RP1: variants seen among roughly 807,000 people sequenced by gnomAD.
RP1 encodes oxygen-regulated protein 1.
Under a neutral mutation model 14.8 loss-of-function variants are expected in RP1, and 16 were observed. The observed-to-expected ratio is 1.08, with a 90% CI of 0.73 to 1.65. The LOEUF (loss-of-function observed/expected upper bound fraction) is 1.65. Ranked by LOEUF, RP1 falls within the 40% of genes most tolerant of loss-of-function variation. RP1 has a pLI of 0.00. For synonymous variants in RP1, 876 were observed against 883.6 expected (o/e 0.99, Z 0.15); for missense variants, 2,631 against 2,535.0 (o/e 1.04, Z -0.81).
intron 1 of RP1, among the ~76,000 whole-genome samples, chr8:54,584,110 T>A (rs1334876546): frequency 6.6e-6 from 1 of 152,210 alleles, no homozygotes; most frequent in Admixed American, 6.5e-5. Flanking sequence ...CAATTTTAGA[T>A]CTTGTCTTCT....
chr8:54,847,325 C>T (rs978660895), intron 25 of RP1, among the ~76,000 whole-genome samples: 1 of 152,210 alleles, frequency 6.6e-6, no homozygotes, highest in Non-Finnish European at 1.5e-5. Flanking sequence ...AGACCTTACT[C>T]AGAACTGTCT....
intron 1 of RP1, among the ~76,000 whole-genome samples, chr8:54,569,193 A>T (rs1288280061): frequency 6.6e-6 from 1 of 152,196 alleles, no homozygotes; most frequent in African/African-American, 2.4e-5. Context: ...GGGAGCAGTC[A>T]TGGAGGGCCT....
intron 1 of RP1, among the ~76,000 whole-genome samples, chr8:54,588,419 CTGG>C (rs1804978940): frequency 6.6e-6 from 1 of 152,140 alleles, no homozygotes; most frequent in African/African-American, 2.4e-5. Flanking sequence ...CAAGGTCTGA[CTGG>C]TGCAGGAAGC....
intron 24 of RP1, among the ~76,000 whole-genome samples, chr8:54,788,216 A>G (rs1391204496): frequency 6.6e-6 from 1 of 152,142 alleles, no homozygotes; most frequent in East Asian, 1.9e-4. Context: ...AGGCTGGAGT[A>G]GGAGGAAGGA....
intron 15 of RP1, among the ~76,000 whole-genome samples, chr8:54,710,664 G>C (rs1563354805): frequency 6.6e-6 from 1 of 152,202 alleles, no homozygotes; most frequent in African/African-American, 2.4e-5. Context: ...TGTCAGCGGA[G>C]AGGGGAGCTG....
At chr8:54,755,813 C>G in intron 21 of RP1, 1 of 1,391,022 alleles carries the variant, frequency 7.2e-7, no homozygotes, top group East Asian at 2.7e-5. Context: ...AACAATCTCT[C>G]TGAAGATGGC....
intron 26 of RP1, among the ~76,000 whole-genome samples, chr8:54,853,370 G>C (rs1812100205): frequency 6.6e-6 from 1 of 152,182 alleles, no homozygotes; most frequent in Non-Finnish European, 1.5e-5. Flanking sequence ...GAGACGTAAA[G>C]AGGAAGACTC....
At chr8:54,726,418 A>G (rs969916450) in exon 17 of RP1, 1 of 1,534,398 alleles carries the variant, frequency 6.5e-7, no homozygotes, top group Non-Finnish European at 8.7e-7. Context: ...AGTCAAAAAA[A>G]CAGAAAAAAA....
chr8:54,602,394 C>G lies in RP1; in HGVS notation c.-12-18561C>G, dbSNP rs1379283440. Among the ~76,000 whole-genome samples, 13 of 152,306 alleles carry G rather than the reference C, an allele frequency of 8.5e-5. No individual in the cohort carries two copies. The East Asian group carries it at 2.5e-3, about 29-fold the overall frequency. Reference sequence around the variant, plus strand: ...TCCTTTTTTATGGCTGCATAGTATTCCAAGGTGTATATGTGCCACATTTTC... The same window carrying G: ...TCCTTTTTTATGGCTGCATAGTATTGCAAGGTGTATATGTGCCACATTTTC... On this transcript the variant is annotated intron_variant, in intron 1 of 22. Coordinates refer to the RP1 transcript ENST00000636932.
chr8:54,709,718 T>C (rs1029951032), intron 15 of RP1, among the ~76,000 whole-genome samples: 12 of 152,122 alleles, frequency 7.9e-5, no homozygotes, highest in African/African-American at 2.9e-4. Context: ...ACACCATAGC[T>C]AGGTTACATG....
At chr8:54,856,152 G>A (rs971521916) in intron 26 of RP1, among the ~76,000 whole-genome samples, 1 of 152,182 alleles carries the variant, frequency 6.6e-6, no homozygotes, top group Non-Finnish European at 1.5e-5. Context: ...TGAGCAAAAT[G>A]GCATGGATGA....
chr8:54,755,858 C>G, intron 21 of RP1: 1 of 1,223,388 alleles, frequency 8.2e-7, no homozygotes, highest in Non-Finnish European at 1.1e-6. Context: ...GCGTTTGGCA[C>G]TCTTCAAATT....
chr8:54,754,848 G>C lies in RP1; in HGVS notation c.2854G>C (p.Ala952Pro), dbSNP rs569102494. ...AAGCAAGAAGATCCTAGATTTTGCA[G>C]CAAACGTATGGCTGTCTCGGATTCA... Residue 952 changes from alanine (A) to proline (P), a missense_variant, in exon 20 of 23, where the codon GCA becomes CCA. Ala to Pro is a conservative substitution (Grantham distance 27). Coordinates refer to the RP1 transcript ENST00000636932. 3.3e-6 allele frequency: 5 copies of C among 1,527,826 alleles called. No homozygotes were observed. In the Admixed American group the frequency reaches 1.0e-4, roughly 30 times the overall value. The allele number at this position is 1,527,826 out of a possible 1,614,324, so 94.6% of individuals were successfully genotyped here. A position where few individuals can be genotyped will look rare whatever the true frequency, so the allele number is the denominator to read the frequency against.
Position 54,625,661 on chromosome 8 carries a change from G to C in RP1, c.1779G>C (p.Lys593Asn). The change falls in exon 4 of 4, where the codon AAG (lysine) becomes AAC (asparagine). Residue 593 changes from lysine to asparagine, a missense_variant. Coordinates refer to ENST00000220676, the MANE Select transcript of RP1 (RefSeq NM_006269.2). ...TATTGGACAACAAAACTGGTATCAA[G>C]AACTTCAAAACTTATGGTAACACCA... The part of the protein sequence containing the change: ...CVVLDNKTGI[K>N]NFKTYGNTND... 1 of 1,614,100 alleles carries C rather than the reference G, an allele frequency of 6.2e-7. No homozygotes were observed. Among genetic ancestry groups the C allele is most frequent in the Non-Finnish European group, 8.5e-7 (1 of 1,179,996 alleles).
intron 27 of RP1, among the ~76,000 whole-genome samples, chr8:54,858,539 T>C (rs901673448): frequency 1.3e-5 from 2 of 152,176 alleles, no homozygotes; most frequent in African/African-American, 4.8e-5. Flanking sequence ...GCACTGTCAC[T>C]GTAGAGTGAT....
chr8:54,702,897 T>C (rs1425211583), intron 14 of RP1, among the ~76,000 whole-genome samples: 2 of 152,242 alleles, frequency 1.3e-5, no homozygotes, highest in Non-Finnish European at 2.9e-5. Flanking sequence ...TCTTTGCTCA[T>C]CCATAAGAAG....
chr8:54,657,574 G>GTCTGAAATGATATCATTTCAT (rs1806783418), intron 6 of RP1, among the ~76,000 whole-genome samples: 1 of 152,010 alleles, frequency 6.6e-6, no homozygotes, highest in Non-Finnish European at 1.5e-5. Context: ...TTGATGCTGT[G>GTCTGAAATGATATCATTTCAT]TCTGAAATGA....
chr8:54,629,953 T>C lies in RP1; in HGVS notation c.6071T>C (p.Phe2024Ser). 6.2e-7 allele frequency: 1 copy of C among 1,614,038 alleles called. No homozygotes were observed. Among genetic ancestry groups the C allele is most frequent in the Non-Finnish European group, 8.5e-7 (1 of 1,179,972 alleles). Residue 2024 changes from phenylalanine to serine, a missense_variant, in exon 4 of 4, where the codon TTT becomes TCT. By Grantham distance (155) the Phe-to-Ser change is radical. Transcript: ENST00000220676. ...GLEEEGNLKKFQPDLKERFCM... is the reference protein window; with the variant it reads ...GLEEEGNLKKSQPDLKERFCM... ...GAGGAAGAAGGTAATTTAAAGAAAT[T>C]TCAACCAGATTTGAAGGAAAGGTTT...
chr8:54,802,482 G>A (rs1164042797), intron 24 of RP1, among the ~76,000 whole-genome samples: 1 of 152,158 alleles, frequency 6.6e-6, no homozygotes, highest in Admixed American at 6.5e-5. Flanking sequence ...TTGGAGTGAA[G>A]AGACCAGAAA....
Sources: allele counts gnomAD v4.1 joint callset (sites outside exome capture counted in the v4.1 genomes callset), GRCh38; gene constraint gnomAD v4.1.1; transcripts MANE v1.5; gene names NCBI Gene and HGNC (gene_info 2026-07-23, HGNC 2026-07-21).